C9orf85: variants seen among roughly 807,000 people sequenced by gnomAD.
C9orf85 encodes uncharacterized protein C9orf85.
C9orf85 carries 16 observed loss-of-function variants against 14.9 expected under a neutral mutation model. The ratio of observed to expected loss-of-function variants is 1.08; its 90% confidence interval spans 0.73 to 1.63. The LOEUF is 1.63. Among genes scored for constraint, C9orf85 ranks in the 40% most tolerant of loss-of-function variants. The probability of loss-of-function intolerance (pLI) is 0.00; values close to 1 mark genes in which losing one functional copy is unlikely to be tolerated. For synonymous variants in C9orf85, 45 were observed against 56.8 expected (o/e 0.79, Z 0.93); for missense variants, 172 against 186.1 (o/e 0.92, Z 0.44).
intron 3 of C9orf85, among the ~76,000 whole-genome samples, chr9:71,971,975 C>CAAAA (rs1280978130): frequency 7.5e-5 from 4 of 53,236 alleles, no homozygotes; most frequent in African/African-American, 6.8e-5. Flanking sequence ...GACTCCATCT[C>CAAAA]AAAAAAAAAA....
intron 1 of C9orf85, among the ~76,000 whole-genome samples, chr9:71,936,710 G>T (rs145622121): frequency 6.6e-6 from 1 of 150,804 alleles, no homozygotes; most frequent in African/African-American, 2.4e-5. Flanking sequence ...TTCATAACAC[G>T]CCTTGCTGAA....
chr9:71,911,667 A>C lies in C9orf85; in HGVS notation c.-68A>C. 1 of 1,285,924 alleles carries C rather than the reference A, an allele frequency of 7.8e-7. No homozygotes were observed. The highest frequency in any genetic ancestry group is 1.1e-6 in the Non-Finnish European group (1 of 881,160). 79.7% of individuals were successfully genotyped at this position (1,285,924 alleles called of 1,614,324 possible). On this transcript the variant is annotated 5_prime_UTR_variant, in exon 1 of 4. Coordinates refer to ENST00000334731, the MANE Select transcript of C9orf85 (RefSeq NM_182505.5). ...GACAGAAGCGTCAATTCCTGGGAGT[A>C]GTTCGTTGGTTTTCTTTCCCCTCAT...
chr9:71,968,966 C>T (rs1188681957), intron 2 of C9orf85, among the ~76,000 whole-genome samples: 1 of 151,890 alleles, frequency 6.6e-6, no homozygotes, highest in Non-Finnish European at 1.5e-5. Context: ...CTAAAGGTGA[C>T]TCAGGTCAGA....
chr9:71,945,772 G>C (rs1272928600), intron 1 of C9orf85, among the ~76,000 whole-genome samples: 1 of 152,098 alleles, frequency 6.6e-6, no homozygotes, highest in African/African-American at 2.4e-5. Context: ...GCATACTTGT[G>C]GTGCATTTCT....
chr9:71,983,019 G>A (rs1423927943), exon 4 of C9orf85: 3 of 159,792 alleles, frequency 1.9e-5, no homozygotes, highest in Non-Finnish European at 4.0e-5. Context: ...TTTTTGAGAT[G>A]GAGTCTTGCT....
At position 71,911,651 on chromosome 9, in the gene C9orf85, G is replaced by C; in HGVS notation, c.-84G>C. On this transcript the variant is annotated 5_prime_UTR_variant, in exon 1 of 4. Coordinates refer to ENST00000334731, the MANE Select transcript of C9orf85 (RefSeq NM_182505.5). ...TTTCTTCCGGGTCATTGACAGAAGC[G>C]TCAATTCCTGGGAGTAGTTCGTTGG... The C allele has an allele frequency of 8.4e-7, 1 of 1,185,506 alleles. No individual in the cohort carries two copies. The highest frequency in any genetic ancestry group is 1.3e-6 in the Non-Finnish European group (1 of 791,828). The allele number at this position is 1,185,506 out of a possible 1,614,324, so 73.4% of individuals were successfully genotyped here. A position where few individuals can be genotyped will look rare whatever the true frequency, so the allele number is the denominator to read the frequency against.
intron 1 of C9orf85, among the ~76,000 whole-genome samples, chr9:71,933,656 T>TA (rs1156965051): frequency 1.3e-5 from 2 of 152,180 alleles, no homozygotes; most frequent in Admixed American, 1.3e-4. Context: ...ATTCAGGAGA[T>TA]ACTTTGTCCC....
At chr9:71,919,953 A>T (rs1043855317) in intron 1 of C9orf85, among the ~76,000 whole-genome samples, 1 of 150,570 alleles carries the variant, frequency 6.6e-6, no homozygotes, top group African/African-American at 2.5e-5. Flanking sequence ...GGGTTCAAGC[A>T]CTTCTCCTGC....
At chr9:71,930,652 A>T (rs944925919) in intron 1 of C9orf85, among the ~76,000 whole-genome samples, 4 of 151,676 alleles carry the variant, frequency 2.6e-5, no homozygotes, top group Admixed American at 6.6e-5. Context: ...AAAAAAAAAA[A>T]AAAATAGCCA....
At chr9:71,939,524 C>T (rs1327212635) in intron 1 of C9orf85, among the ~76,000 whole-genome samples, 1 of 152,086 alleles carries the variant, frequency 6.6e-6, no homozygotes, top group Non-Finnish European at 1.5e-5. Flanking sequence ...GTTAAGATGT[C>T]AGTTCTTCCC....
chr9:71,957,725 C>T (rs1371582344), intron 2 of C9orf85, among the ~76,000 whole-genome samples: 5 of 152,180 alleles, frequency 3.3e-5, no homozygotes, highest in African/African-American at 9.7e-5. Context: ...TTTTCTTTCT[C>T]CTTCCTCCCC....
chr9:71,920,274 C>T (rs949185527), intron 1 of C9orf85, among the ~76,000 whole-genome samples: 1 of 152,102 alleles, frequency 6.6e-6, no homozygotes. Flanking sequence ...TCTTGATTTG[C>T]TCTACTATGG....
At chr9:71,964,516 C>T (rs776187400) in intron 2 of C9orf85, among the ~76,000 whole-genome samples, 7 of 151,990 alleles carry the variant, frequency 4.6e-5, no homozygotes, top group Non-Finnish European at 8.8e-5. Context: ...CCAGACGCGC[C>T]GCCTTAAGAG....
At chr9:71,933,191 G>A (rs949843183) in intron 1 of C9orf85, among the ~76,000 whole-genome samples, 4 of 152,056 alleles carry the variant, frequency 2.6e-5, no homozygotes, top group African/African-American at 4.8e-5. Context: ...AGAAAGTGGC[G>A]GAATATTTGA....
At position 71,948,665 on chromosome 9, in the gene C9orf85, G is replaced by C. The variant is rs151252141; in HGVS notation, c.209+1553G>C. 5.3e-4 allele frequency among the ~76,000 whole-genome samples: 81 copies of C among 152,262 alleles called. 1 individual carries two copies. The East Asian group carries it at 0.014, about 26-fold the overall frequency. On this transcript the variant is annotated intron_variant, in intron 2 of 3. Coordinates refer to ENST00000334731, the MANE Select transcript of C9orf85 (RefSeq NM_182505.5). ...GCCTCCTGAGTAGCTGGGACTACAG[G>C]TACATACCACCATGCCTGGCTAATT... is the stretch of plus-strand genomic sequence containing the variant.
At chr9:71,968,097 T>TAG (rs779158859) in intron 2 of C9orf85, among the ~76,000 whole-genome samples, 608 of 37,210 alleles carry the variant, frequency 0.016, 3 homozygotes, top group African/African-American at 0.05. Flanking sequence ...CATATATATA[T>TAG]ATATAGAGAG....
intron 2 of C9orf85, among the ~76,000 whole-genome samples, chr9:71,958,882 C>G (rs778773297): frequency 6.6e-6 from 1 of 152,106 alleles, no homozygotes; most frequent in Non-Finnish European, 1.5e-5. Context: ...TCTATAACCT[C>G]AAGATATTAT....
intron 2 of C9orf85, among the ~76,000 whole-genome samples, chr9:71,960,250 G>C (rs1822480206): frequency 6.6e-6 from 1 of 152,200 alleles, no homozygotes; most frequent in Non-Finnish European, 1.5e-5. Flanking sequence ...GAATCCTGTT[G>C]ACTTTCATAG....
At chr9:71,934,993 G>GTCAGTA in intron 1 of C9orf85, among the ~76,000 whole-genome samples, 1 of 152,258 alleles carries the variant, frequency 6.6e-6, no homozygotes, top group East Asian at 1.9e-4. Context: ...TATGCAAATG[G>GTCAGTA]TCAGTAAGCA....
Sources: gnomAD v4.1 joint callset for allele counts (sites outside exome capture counted in the v4.1 genomes callset) on GRCh38, gnomAD v4.1.1 for gene constraint, MANE v1.5 for transcripts, NCBI Gene and HGNC (gene_info 2026-07-23, HGNC 2026-07-21) for gene names.